The following FHOD3 variants were observed in gnomAD, a reference collection of about 807,000 sequenced individuals.
FHOD3 encodes FH1/FH2 domain-containing protein 3.
Under a neutral mutation model 173.0 loss-of-function variants are expected in FHOD3, and 90 were observed. The ratio of observed to expected loss-of-function variants is 0.52; its 90% CI spans 0.44 to 0.62. The LOEUF is 0.62. Ranked by LOEUF, FHOD3 falls within the 20% of genes least tolerant of loss-of-function variation. The pLI, the probability that FHOD3 is intolerant of heterozygous loss-of-function variation, is 0.00. For missense variants in FHOD3, 1,945 were observed against 2,034.7 expected, an observed-to-expected ratio of 0.96 and a Z score of 0.85; for synonymous variants, 828 against 823.0, an observed-to-expected ratio of 1.01 and a Z score of -0.10.
At chr18:36,682,341 C>T (rs775169862) in intron 15 of FHOD3, among the ~76,000 whole-genome samples, 1 of 152,060 alleles carries the variant, frequency 6.6e-6, no homozygotes, top group Non-Finnish European at 1.5e-5. Flanking sequence ...ATCCTTTTTC[C>T]CTTTTCCCCC....
intron 5 of FHOD3, among the ~76,000 whole-genome samples, chr18:36,569,771 A>G (rs566906268): frequency 2.0e-5 from 3 of 152,282 alleles, no homozygotes; most frequent in Non-Finnish European, 1.5e-5. Context: ...TCAGTAACGG[A>G]AGGAGAACAT....
chr18:36,645,389 C>T (rs2035610278), intron 10 of FHOD3, among the ~76,000 whole-genome samples: 1 of 152,144 alleles, frequency 6.6e-6, no homozygotes, highest in South Asian at 2.1e-4. Flanking sequence ...GATTGTGCCA[C>T]TGCACCTCAG....
chr18:36,537,565 A>T (rs150239613), intron 5 of FHOD3, among the ~76,000 whole-genome samples: 339 of 152,256 alleles, frequency 2.2e-3, no homozygotes, highest in African/African-American at 7.8e-3. Flanking sequence ...GGGCCTTCAC[A>T]TCTGCTTGTT....
chr18:36,731,738 A>G (rs2041372272), intron 20 of FHOD3, among the ~76,000 whole-genome samples: 1 of 152,184 alleles, frequency 6.6e-6, no homozygotes, highest in African/African-American at 2.4e-5. Flanking sequence ...GAGAGTGAGG[A>G]AGGGCCTGGG....
chr18:36,392,792 T>C (rs2048365969), intron 3 of FHOD3, among the ~76,000 whole-genome samples: 1 of 152,252 alleles, frequency 6.6e-6, no homozygotes, highest in Non-Finnish European at 1.5e-5. Flanking sequence ...GAGGTTTTAA[T>C]GAATTAGTGT....
At chr18:36,462,363 G>A (rs569230960) in intron 3 of FHOD3, among the ~76,000 whole-genome samples, 28 of 151,840 alleles carry the variant, frequency 1.8e-4, no homozygotes, top group Non-Finnish European at 3.1e-4. Flanking sequence ...ACAGAGTCTC[G>A]CTCTGTTGCC....
At chr18:36,598,183 A>T (rs2030787630) in intron 7 of FHOD3, among the ~76,000 whole-genome samples, 1 of 152,186 alleles carries the variant, frequency 6.6e-6, no homozygotes, top group Admixed American at 6.5e-5. Flanking sequence ...TTACTTCTCA[A>T]AGTGGCTTTA....
intron 3 of FHOD3, among the ~76,000 whole-genome samples, chr18:36,383,925 A>G (rs1484465872): frequency 6.6e-6 from 1 of 152,182 alleles, no homozygotes; most frequent in African/African-American, 2.4e-5. Context: ...GCTCTGGAGC[A>G]CTTACTGTGC....
At chr18:36,534,554 T>G (rs2056916748) in intron 5 of FHOD3, among the ~76,000 whole-genome samples, 1 of 152,176 alleles carries the variant, frequency 6.6e-6, no homozygotes, top group Non-Finnish European at 1.5e-5. Context: ...TCGCCCAGGC[T>G]GGAGTGCAGT....
chr18:36,687,730 T>C (rs1295922905), intron 16 of FHOD3, among the ~76,000 whole-genome samples: 2 of 152,170 alleles, frequency 1.3e-5, no homozygotes, highest in African/African-American at 4.8e-5. Flanking sequence ...TTAGGAATAA[T>C]ATATGGAATC....
chr18:36,709,968 A>G (rs1319630661), intron 18 of FHOD3: 1 of 153,054 alleles, frequency 6.5e-6, no homozygotes, highest in African/African-American at 2.4e-5. Flanking sequence ...TTTGTTTTCT[A>G]TATTACACTC....
intron 2 of FHOD3, among the ~76,000 whole-genome samples, chr18:36,366,617 G>C (rs729394): frequency 0.49 from 75,193 of 152,038 alleles, 20,880 homozygotes; most frequent in East Asian, 0.74. Context: ...CAGGGGAGAA[G>C]AGAACACACC....
At chr18:36,636,811 G>C (rs2034923199) in intron 10 of FHOD3, among the ~76,000 whole-genome samples, 1 of 152,118 alleles carries the variant, frequency 6.6e-6, no homozygotes, top group Admixed American at 6.6e-5. Flanking sequence ...AGGGATGGTG[G>C]GGGTGGGCAT....
intron 27 of FHOD3, among the ~76,000 whole-genome samples, chr18:36,762,287 A>G (rs2042915814): frequency 6.6e-6 from 1 of 152,240 alleles, no homozygotes; most frequent in Non-Finnish European, 1.5e-5. Context: ...CCTATGAACC[A>G]AAGAGCCACA....
At chr18:36,628,069 AG>A (rs1371921190) in intron 10 of FHOD3, among the ~76,000 whole-genome samples, 1 of 152,230 alleles carries the variant, frequency 6.6e-6, no homozygotes, top group Non-Finnish European at 1.5e-5. Flanking sequence ...TTTGTAAAGA[AG>A]GGAGAAATAT....
chr18:36,665,309 G>A (rs770910884), intron 14 of FHOD3, among the ~76,000 whole-genome samples: 1 of 152,124 alleles, frequency 6.6e-6, no homozygotes, highest in African/African-American at 2.4e-5. Flanking sequence ...TGAGTGTATC[G>A]ATTGAATCAG....
intron 8 of FHOD3, among the ~76,000 whole-genome samples, chr18:36,603,784 G>T (rs762418000): frequency 2.6e-5 from 4 of 152,178 alleles, no homozygotes. Flanking sequence ...GATTACAGGC[G>T]TGAGCCACTG....
chr18:36,743,319 A>G (rs2041998195), intron 22 of FHOD3, among the ~76,000 whole-genome samples: 2 of 150,042 alleles, frequency 1.3e-5, no homozygotes, highest in Non-Finnish European at 3.0e-5. Flanking sequence ...AAAAAAAAAA[A>G]AAAAAAAAAA....
chr18:36,668,909 A>C (rs750690377), intron 14 of FHOD3, among the ~76,000 whole-genome samples: 14 of 152,004 alleles, frequency 9.2e-5, no homozygotes, highest in Admixed American at 2.6e-4. Flanking sequence ...GAATAGGATC[A>C]ACTGTGGCAA....
Sources: gnomAD v4.1 joint callset for allele counts (sites outside exome capture counted in the v4.1 genomes callset) on GRCh38, gnomAD v4.1.1 for gene constraint, MANE v1.5 for transcripts, NCBI Gene and HGNC (gene_info 2026-07-23, HGNC 2026-07-21) for gene names.